Variants in CARS1 observed in about 807,000 individuals in gnomAD.
CARS1 encodes the protein cysteine--tRNA ligase, cytoplasmic.
CARS1 carries 48 observed loss-of-function variants against 106.2 expected under a neutral mutation model. That is an observed-to-expected ratio of 0.45 (90% confidence interval 0.36 to 0.57). CARS1 has a LOEUF of 0.57. CARS1 is among the 20% of genes least tolerant of loss of function. The pLI, the probability that CARS1 is intolerant of heterozygous loss-of-function variation, is 0.00. For missense variants in CARS1, 968 were observed against 1,057.2 expected (o/e 0.92, Z 1.17); for synonymous variants, 409 against 403.4 (o/e 1.01, Z -0.17).
rs778557735 is a variant in CARS1 at position 3,047,807 on chromosome 11, C to CTA, written c.218_219dup (p.Glu74Ter). The CTA allele has an allele frequency of 6.2e-7, 1 of 1,614,122 alleles. No homozygotes were observed. Among genetic ancestry groups the CTA allele is most frequent in the Admixed American group, 1.7e-5 (1 of 60,022 alleles). On this transcript the variant is annotated frameshift_variant, in exon 2 of 23. Transcript: ENST00000380525. LOFTEE classifies it high-confidence loss of function. ...CCACAGGGGCTACCCAGGAGCGCTT[C>CTA]TATGTGCCTGAACCACCGAGCCACG...
chr11:3,013,577 G>A (rs1350838443), intron 17 of CARS1, among the ~76,000 whole-genome samples: 3 of 152,104 alleles, frequency 2.0e-5, no homozygotes, highest in Non-Finnish European at 2.9e-5. Flanking sequence ...CTGGCTGGGC[G>A]CGGTGACTCA....
At position 3,039,404 on chromosome 11, in the gene CARS1, AGACAAC is replaced by A. The variant is rs1389913211; in HGVS notation, c.553-118_553-113del. On this transcript the variant is annotated intron_variant, in intron 5 of 22. Coordinates refer to ENST00000380525, the MANE Select transcript of CARS1 (RefSeq NM_001014437.3). This position sits in a 1 kb window ranked among gnomAD's most constrained non-coding sequence, Gnocchi z 5.6. ...TCTAAGTGAGGGTGAGGGTGGTGGG[AGACAAC>A]TGTGGGCCCCGGACGTGCACACCAT... The A allele has an allele frequency of 1.4e-5, 10 of 689,898 alleles. No individual in the cohort carries two copies. Among genetic ancestry groups the A allele is most frequent in the Non-Finnish European group, 2.6e-5 (10 of 384,838 alleles). 42.7% of individuals were successfully genotyped at this position (689,898 alleles called of 1,614,324 possible).
intron 19 of CARS1, among the ~76,000 whole-genome samples, chr11:3,006,198 C>G (rs1291642393): frequency 6.6e-6 from 1 of 152,178 alleles, no homozygotes; most frequent in East Asian, 1.9e-4. Flanking sequence ...TGGCTCATGC[C>G]ACTTTAGGAG....
chr11:3,039,023 C>T lies in CARS1; in HGVS notation c.651+171G>A, dbSNP rs1420915684. ...TCTTTGCTGGTGACTTTGTCACAGGCCAGGGGACCTTACCTATGGAGACTT... is the reference window on the plus strand; with the variant it reads ...TCTTTGCTGGTGACTTTGTCACAGGTCAGGGGACCTTACCTATGGAGACTT... On this transcript the variant is annotated intron_variant, in intron 6 of 22. Transcript: ENST00000380525. This position sits in a 1 kb window ranked among gnomAD's most constrained non-coding sequence, Gnocchi z 5.6. Among the ~76,000 whole-genome samples the T allele has an allele frequency of 1.3e-5, 2 of 152,222 alleles. No individual in the cohort carries two copies. Among genetic ancestry groups the T allele is most frequent in the East Asian group, 3.8e-4 (2 of 5,198 alleles).
At chr11:3,042,430 CTTTT>C in intron 2 of CARS1, 174 bp from the exon 3 acceptor site, 1 of 508,454 alleles carries the variant, frequency 2.0e-6, no homozygotes, top group Non-Finnish European at 3.5e-6. Flanking sequence ...ACAACTGCGT[CTTTT>C]TTTTTTTTTA....
At chr11:3,051,455 G>T (rs1164007777) in intron 1 of CARS1, among the ~76,000 whole-genome samples, 1 of 152,180 alleles carries the variant, frequency 6.6e-6, no homozygotes, top group East Asian at 1.9e-4. Context: ...ATGAGATCAG[G>T]GAGGACGGAG....
rs1338147770 is a variant in CARS1, at chr11:3,020,996, G to GTTCT, written c.1154-665_1154-664insAGAA. Among the ~76,000 whole-genome samples, 1 of 152,158 alleles carries GTTCT rather than the reference G, an allele frequency of 6.6e-6. No individual in the cohort carries two copies. Among genetic ancestry groups the GTTCT allele is most frequent in the African/African-American group, 2.4e-5 (1 of 41,432 alleles). ...GTTCTATTTCCTGGACAAAGCCAATGATCACCTGGCCAACAAAAACAAGAC... is the reference window on the plus strand; with the variant it reads ...GTTCTATTTCCTGGACAAAGCCAATGTTCTATCACCTGGCCAACAAAAACAAGAC... On this transcript the variant is annotated intron_variant, in intron 10 of 22. Coordinates refer to ENST00000380525, the MANE Select transcript of CARS1 (RefSeq NM_001014437.3). This position sits in a 1 kb window ranked among gnomAD's most constrained non-coding sequence, Gnocchi z 4.6.
rs752839619 is a variant in CARS1, at chr11:3,018,508, C to A, written c.1529G>T (p.Arg510Leu). The A allele has an allele frequency of 6.2e-7, 1 of 1,613,938 alleles. No individual in the cohort carries two copies. The highest frequency in any genetic ancestry group is 8.5e-7 in the Non-Finnish European group (1 of 1,179,822). ...IKDALKKHSA[R>L]QLRLAFLMHS... ...CATGAGGAAGGCCAGCCGCAACTGC[C>A]GTGCTGTGGGGGGACACAAGACAGC... is the stretch of plus-strand genomic sequence containing the variant. The change falls in exon 14 of 23, where the codon CGG (arginine) becomes CTG (leucine). Residue 510 changes from arginine to leucine, a missense_variant. Physicochemically the swap from Arg to Leu is moderately radical, Grantham distance 102. Transcript: ENST00000380525.
In CARS1 at chr11:3,040,271, G is replaced by A. The variant is rs1412327990; in HGVS notation, c.456-340C>T. The stretch of plus-strand genomic sequence containing the variant: ...TGTGTTCATTGACTGGCATGCTATT[G>A]GTCAACAGGAGGCTATTTTAGTGGT... On this transcript the variant is annotated intron_variant, in intron 4 of 22. Transcript: ENST00000380525. This position sits in a 1 kb window ranked among gnomAD's most constrained non-coding sequence, Gnocchi z 5.8. 6.6e-6 allele frequency among the ~76,000 whole-genome samples: 1 copy of A among 152,164 alleles called. No homozygotes were observed. The highest frequency in any genetic ancestry group is 6.5e-5 in the Admixed American group (1 of 15,276).
rs375579 is a variant in CARS1, at chr11:3,044,070, G to A, written c.275-1814C>T. 6.6e-6 allele frequency among the ~76,000 whole-genome samples: 1 copy of A among 151,940 alleles called. No individual in the cohort carries two copies. The highest frequency in any genetic ancestry group is 2.4e-5 in the African/African-American group (1 of 41,376). Reference sequence around the variant, plus strand: ...ACTCAATGCCTGGAGGCATTCAACCGGCCACTCTAGGATCCCATCACTCTC... The same window carrying A: ...ACTCAATGCCTGGAGGCATTCAACCAGCCACTCTAGGATCCCATCACTCTC... On this transcript the variant is annotated intron_variant, in intron 2 of 22. Coordinates refer to ENST00000380525, the MANE Select transcript of CARS1 (RefSeq NM_001014437.3). The surrounding 1 kb of genome is among the most constrained non-coding windows in gnomAD (Gnocchi z 4.4).
At chr11:3,032,060 C>CTCCTTCCTTCCTTCCTTCCT (rs1217924867) in intron 7 of CARS1, among the ~76,000 whole-genome samples, 2 of 20,046 alleles carry the variant, frequency 1.0e-4, no homozygotes, top group Non-Finnish European at 1.7e-4. Context: ...CCCTCCCTCC[C>CTCCTTCCTTCCTTCCTTCCT]TCCTTCCTTC....
chr11:3,037,943 T>A lies in CARS1; in HGVS notation c.801+107A>T, dbSNP rs1565087517. 1.7e-6 allele frequency: 2 copies of A among 1,157,500 alleles called. No homozygotes were observed. Among genetic ancestry groups the A allele is most frequent in the African/African-American group, 3.1e-5 (2 of 65,092 alleles). The allele number at this position is 1,157,500 out of a possible 1,614,324, so 71.7% of individuals were successfully genotyped here. Reference sequence around the variant, plus strand: ...GTGGAGCTACTGGAGACACAGAGTGTCTTCCACTAAGACAATCTGTGGAAT... The same window carrying A: ...GTGGAGCTACTGGAGACACAGAGTGACTTCCACTAAGACAATCTGTGGAAT... On this transcript the variant is annotated intron_variant, in intron 7 of 22. Coordinates refer to ENST00000380525, the MANE Select transcript of CARS1 (RefSeq NM_001014437.3). This position sits in a 1 kb window ranked among gnomAD's most constrained non-coding sequence, Gnocchi z 5.9.
chr11:3,041,275 T>C lies in CARS1; in HGVS notation c.367-291A>G, dbSNP rs1009020275. On this transcript the variant is annotated intron_variant, in intron 3 of 22. Coordinates refer to ENST00000380525, the MANE Select transcript of CARS1 (RefSeq NM_001014437.3). The surrounding 1 kb of genome is among the most constrained non-coding windows in gnomAD (Gnocchi z 4.9). Reference sequence around the variant, plus strand: ...TCAATGATTTTATTGATTGTTGAAATGCTGCTTATTTAACAATAACACAGC... The same window carrying C: ...TCAATGATTTTATTGATTGTTGAAACGCTGCTTATTTAACAATAACACAGC... The C allele has an allele frequency of 4.6e-6, 2 of 434,380 alleles. No individual in the cohort carries two copies. The highest frequency in any genetic ancestry group is 8.4e-6 in the Non-Finnish European group (2 of 238,490). The allele number at this position is 434,380 out of a possible 1,614,324, so 26.9% of individuals were successfully genotyped here. A position where few individuals can be genotyped will look rare whatever the true frequency, so the allele number is the denominator to read the frequency against.
In CARS1 at chr11:3,017,193, G is replaced by C; in HGVS notation, c.1830C>G (p.Leu610=). ...TCACGGCTTTCCGGGCTGCCATATAGAGGTTGCACTGACTGACCAAGGCCC... is the reference window on the plus strand; with the variant it reads ...TCACGGCTTTCCGGGCTGCCATATACAGGTTGCACTGACTGACCAAGGCCC... ...EMRALVSQCN[L]YMAARKAVRK... is the part of the protein sequence containing the mutation. The change falls in exon 16 of 23, where the codon CTC becomes CTG. Residue 610 remains leucine, a synonymous_variant. Coordinates refer to ENST00000380525, the MANE Select transcript of CARS1 (RefSeq NM_001014437.3). The surrounding 1 kb of genome is among the most constrained non-coding windows in gnomAD (Gnocchi z 4.9). 1.9e-6 allele frequency: 3 copies of C among 1,614,190 alleles called. No individual in the cohort carries two copies. The highest frequency in any genetic ancestry group is 2.5e-6 in the Non-Finnish European group (3 of 1,180,028).
At position 3,041,958 on chromosome 11, in the gene CARS1, C is replaced by T. The variant is rs781396070; in HGVS notation, c.366+207G>A. 6.6e-6 allele frequency among the ~76,000 whole-genome samples: 1 copy of T among 152,286 alleles called. No homozygotes were observed. ...CTTCCACATGAGGCATGATACTTCA[C>T]GTGTCTGGGTTTCAGAGGACAGCTC... On this transcript the variant is annotated intron_variant, in intron 3 of 22. Coordinates refer to ENST00000380525, the MANE Select transcript of CARS1 (RefSeq NM_001014437.3). The surrounding 1 kb of genome is among the most constrained non-coding windows in gnomAD (Gnocchi z 4.9).
rs1426338937 is a variant in CARS1 at position 3,053,647 on chromosome 11, G to A, written c.25+3696C>T. 1.3e-5 allele frequency among the ~76,000 whole-genome samples: 2 copies of A among 152,156 alleles called. No homozygotes were observed. The highest frequency in any genetic ancestry group is 2.9e-5 in the Non-Finnish European group (2 of 68,028). The stretch of plus-strand genomic sequence containing the variant: ...GTGTGCCTTCAGCAGCAGAACCTGG[G>A]GGATCCAGAGAAGTCACATTCTTGG... On this transcript the variant is annotated intron_variant, in intron 1 of 22. Coordinates refer to ENST00000380525, the MANE Select transcript of CARS1 (RefSeq NM_001014437.3). The surrounding 1 kb of genome is among the most constrained non-coding windows in gnomAD (Gnocchi z 6.6).
Position 3,012,183 on chromosome 11 carries a change from A to G in CARS1, c.2068+12T>C. On this transcript the variant is annotated intron_variant, in intron 18 of 22. Coordinates refer to ENST00000380525, the MANE Select transcript of CARS1 (RefSeq NM_001014437.3). ...AGTGGCTCCCACACTCTTTCCAGCA[A>G]CTGGTCCTCACCTTTTTGCTCTCGG... is the stretch of plus-strand genomic sequence containing the variant. 3 of 1,613,028 alleles carry G rather than the reference A, an allele frequency of 1.9e-6. No individual in the cohort carries two copies. Among genetic ancestry groups the G allele is most frequent in the Non-Finnish European group, 2.5e-6 (3 of 1,179,004 alleles).
At chr11:3,010,747 C>T (rs891474917) in intron 18 of CARS1, among the ~76,000 whole-genome samples, 1 of 152,246 alleles carries the variant, frequency 6.6e-6, no homozygotes, top group African/African-American at 2.4e-5. Context: ...GTCCCCTGCC[C>T]GAAACAGGCC....
chr11:3,033,311 C>G (rs1423866433), intron 7 of CARS1, among the ~76,000 whole-genome samples: 4 of 152,130 alleles, frequency 2.6e-5, no homozygotes, highest in African/African-American at 9.7e-5. Flanking sequence ...GAAACCAGCA[C>G]ACACAGGGGC....
Sources: gnomAD v4.1 joint callset for allele counts (sites outside exome capture counted in the v4.1 genomes callset) on GRCh38, gnomAD v4.1.1 for gene constraint, Gnocchi (gnomAD v3.1) non-coding constraint, MANE v1.5 for transcripts, NCBI Gene and HGNC (gene_info 2026-07-23, HGNC 2026-07-21) for gene names.